The following KIF26B variants were observed in gnomAD, a reference collection of about 807,000 sequenced individuals.
KIF26B encodes the protein kinesin-like protein KIF26B.
KIF26B carries 63 observed loss-of-function variants against 151.2 expected under a neutral mutation model. The observed-to-expected ratio is 0.42, with a 90% confidence interval of 0.34 to 0.51. The LOEUF (loss-of-function observed/expected upper bound fraction) is 0.51, where lower values mean the gene tolerates loss of function less well. Among genes scored for constraint, KIF26B ranks in the 20% least tolerant of loss-of-function variants. The pLI is 0.07. For missense variants in KIF26B, 2,813 were observed against 2,913.6 expected (o/e 0.97, Z 0.79); for synonymous variants, 1,357 against 1,262.1 (o/e 1.08, Z -1.59).
At chr1:245,361,267 C>A (rs1360233044) in intron 2 of KIF26B, among the ~76,000 whole-genome samples, 1 of 152,190 alleles carries the variant, frequency 6.6e-6, no homozygotes, top group South Asian at 2.1e-4. Flanking sequence ...TTCATGGGAT[C>A]GCCTCTCCCT....
At chr1:245,173,475 T>C (rs1346089650) in intron 2 of KIF26B, among the ~76,000 whole-genome samples, 2 of 152,124 alleles carry the variant, frequency 1.3e-5, no homozygotes, top group African/African-American at 2.4e-5. Flanking sequence ...AGGGTAATCA[T>C]GGTAATACGT....
intron 2 of KIF26B, among the ~76,000 whole-genome samples, chr1:245,319,345 C>A (rs897302441): frequency 2.0e-5 from 3 of 152,202 alleles, no homozygotes; most frequent in African/African-American, 7.2e-5. Flanking sequence ...TTTTGCTGGG[C>A]CACTTCTTGC....
At chr1:245,549,787 C>T (rs1461371961) in intron 5 of KIF26B, among the ~76,000 whole-genome samples, 4 of 148,410 alleles carry the variant, frequency 2.7e-5, no homozygotes, top group Non-Finnish European at 6.0e-5. Flanking sequence ...CCGATACATT[C>T]TTTTTTTTTT....
At chr1:245,646,958 C>T (rs1310433204) in intron 10 of KIF26B, among the ~76,000 whole-genome samples, 2 of 152,208 alleles carry the variant, frequency 1.3e-5, no homozygotes, top group Non-Finnish European at 2.9e-5. Flanking sequence ...CCCAACTAAG[C>T]GTTCTCATTG....
intron 2 of KIF26B, among the ~76,000 whole-genome samples, chr1:245,240,562 G>GGAAAAAAA (rs1670197335): frequency 6.6e-6 from 1 of 152,192 alleles, no homozygotes; most frequent in Non-Finnish European, 1.5e-5. Flanking sequence ...ACTCTCGTGA[G>GGAAAAAAA]ATTATATTTA....
At chr1:245,374,071 AAAAAAAAAAAAAAAAAAAAAAAAATAT>A (rs1169093576) in intron 3 of KIF26B, among the ~76,000 whole-genome samples, 1 of 23,348 alleles carries the variant, frequency 4.3e-5, no homozygotes, top group African/African-American at 1.8e-4. Context: ...AAAAAAAAAA[AAAAAAAAAAAAAAAAAAAAAAAAATAT>A]ATATATATAT....
rs1558272061 is a variant in KIF26B, at chr1:245,687,316, G to A, written c.4333G>A (p.Glu1445Lys). 6.2e-7 allele frequency: 1 copy of A among 1,603,498 alleles called. No homozygotes were observed. The highest frequency in any genetic ancestry group is 1.7e-5 in the Admixed American group (1 of 58,246). ...ATTTGAGGACCCGTGGCTGAAACGA[G>A]AAGAGGAAGTGAAAAAAGAGACGGC... ...MKFEDPWLKREEEVKKETAHP... is the reference protein window; with the variant it reads ...MKFEDPWLKRKEEVKKETAHP... Residue 1445 changes from glutamate to lysine, a missense_variant, in exon 12 of 15, where the codon GAA (glutamate) becomes AAA (lysine). Physicochemically the swap from Glu to Lys is moderately conservative, Grantham distance 56. Around this residue, in one of 3 missense-constraint regions of KIF26B, gnomAD observed 2,060 missense variants for 2,088.6 expected, o/e 0.99. Coordinates refer to ENST00000407071, the MANE Select transcript of KIF26B (RefSeq NM_018012.4). This position sits in a 1 kb window ranked among gnomAD's most constrained non-coding sequence, Gnocchi z 4.9.
chr1:245,645,023 G>A (rs1572176078), intron 9 of KIF26B, among the ~76,000 whole-genome samples: 1 of 152,104 alleles, frequency 6.6e-6, no homozygotes, highest in Admixed American at 6.5e-5. Flanking sequence ...AGAGAAGGGG[G>A]AAGGTGCCAG....
intron 4 of KIF26B, among the ~76,000 whole-genome samples, chr1:245,491,346 A>G (rs1660405626): frequency 6.6e-6 from 1 of 152,132 alleles, no homozygotes; most frequent in East Asian, 1.9e-4. Context: ...AGCCCACCCT[A>G]CTGACTGCAT....
chr1:245,484,793 A>ATTATTATTATTATTG (rs1316870686), intron 4 of KIF26B, among the ~76,000 whole-genome samples: 1 of 145,178 alleles, frequency 6.9e-6, no homozygotes, highest in Non-Finnish European at 1.5e-5. Flanking sequence ...TATTATTATT[A>ATTATTATTATTATTG]TTCTTTTAAT....
intron 4 of KIF26B, among the ~76,000 whole-genome samples, chr1:245,528,618 A>C (rs1393530799): frequency 2.0e-5 from 3 of 152,244 alleles, no homozygotes; most frequent in Non-Finnish European, 4.4e-5. Flanking sequence ...ATCACATGTC[A>C]ACCCATATGT....
At chr1:245,307,879 T>C (rs1236726249) in intron 2 of KIF26B, among the ~76,000 whole-genome samples, 5 of 152,156 alleles carry the variant, frequency 3.3e-5, no homozygotes, top group Non-Finnish European at 7.4e-5. Flanking sequence ...TAGCTGGGAC[T>C]ACAGGTGCCC....
At chr1:245,531,096 A>AT (rs1490780814) in intron 4 of KIF26B, among the ~76,000 whole-genome samples, 13 of 152,176 alleles carry the variant, frequency 8.5e-5, no homozygotes, top group Non-Finnish European at 1.8e-4. Flanking sequence ...AACTCACTGT[A>AT]CTGAGACATT....
intron 4 of KIF26B, among the ~76,000 whole-genome samples, chr1:245,437,363 A>T (rs1310495539): frequency 1.3e-5 from 2 of 152,158 alleles, no homozygotes. Context: ...AAATCAGAGA[A>T]TCCCATATCA....
At chr1:245,344,509 A>G (rs1188009713) in intron 2 of KIF26B, among the ~76,000 whole-genome samples, 1 of 136,820 alleles carries the variant, frequency 7.3e-6, no homozygotes, top group African/African-American at 3.2e-5. Context: ...AAAAAAAAAA[A>G]AAAAAAAAAA....
chr1:245,483,744 A>T (rs61647228), intron 4 of KIF26B, among the ~76,000 whole-genome samples: 2 of 151,646 alleles, frequency 1.3e-5, no homozygotes, highest in Non-Finnish European at 1.5e-5. Flanking sequence ...CAGTGCTGGA[A>T]CGTTCATTTT....
chr1:245,366,314 C>T (rs531074229), intron 2 of KIF26B, among the ~76,000 whole-genome samples: 3 of 152,236 alleles, frequency 2.0e-5, no homozygotes, highest in South Asian at 2.1e-4. Flanking sequence ...GGGTGGATCA[C>T]GAGGTCAGGA....
Position 245,419,667 on chromosome 1 carries a change from G to C in KIF26B, c.1088G>C (p.Ser363Thr), listed in dbSNP as rs373729226. The C allele has an allele frequency of 4.3e-6, 7 of 1,613,908 alleles. No homozygotes were observed. Among genetic ancestry groups the C allele is most frequent in the Non-Finnish European group, 4.2e-6 (5 of 1,179,804 alleles). Residue 363 changes from serine (S) to threonine (T), a missense_variant, in exon 4 of 15, where the codon AGT becomes ACT. Physicochemically the swap from Ser to Thr is moderately conservative, Grantham distance 58. Transcript: ENST00000407071. ...AATGCAGACAAGCCTTCCGCCTGCAGTGTCCCAGCCTCGCAGGGCTCCTGC... is the reference window on the plus strand; with the variant it reads ...AATGCAGACAAGCCTTCCGCCTGCACTGTCCCAGCCTCGCAGGGCTCCTGC... ...RYNADKPSACSVPASQGSCVA... is the reference protein window; with the variant it reads ...RYNADKPSACTVPASQGSCVA...
At position 245,667,468 on chromosome 1, in the gene KIF26B, C is replaced by T. The variant is rs2044230250; in HGVS notation, c.2259-16765C>T. On this transcript the variant is annotated intron_variant, in intron 10 of 14. Coordinates refer to ENST00000407071, the MANE Select transcript of KIF26B (RefSeq NM_018012.4). This position sits in a 1 kb window ranked among gnomAD's most constrained non-coding sequence, Gnocchi z 4.3. ...TGCTGGGATTACAGGCGTGAGCCAC[C>T]GTGCCTGGCCTGCTTTGGTTTTATT... 1.3e-5 allele frequency among the ~76,000 whole-genome samples: 2 copies of T among 152,092 alleles called. No individual in the cohort carries two copies. Among genetic ancestry groups the T allele is most frequent in the African/African-American group, 4.8e-5 (2 of 41,410 alleles).
Sources: gnomAD v4.1 joint callset for allele counts (sites outside exome capture counted in the v4.1 genomes callset) on GRCh38, gnomAD v4.1.1 for gene constraint, gnomAD v4.1.1 regional missense constraint, Gnocchi (gnomAD v3.1) non-coding constraint, MANE v1.5 for transcripts, NCBI Gene and HGNC (gene_info 2026-07-23, HGNC 2026-07-21) for gene names.